The following ARHGEF10 variants were observed in gnomAD, a reference collection of about 807,000 sequenced individuals.
ARHGEF10 encodes Rho guanine nucleotide exchange factor 10, also known as Rho guanine nucleotide exchange factor (GEF) 10.
A neutral mutation model predicts 147.4 loss-of-function variants in ARHGEF10; 140 were observed. The ratio of observed to expected loss-of-function variants is 0.95; its 90% CI spans 0.83 to 1.09. ARHGEF10 has a LOEUF of 1.09. Among genes scored for constraint, ARHGEF10 ranks in the 50% least tolerant of loss-of-function variants. The probability of loss-of-function intolerance (pLI) is 0.00; values close to 1 mark genes in which losing one functional copy is unlikely to be tolerated. For missense variants in ARHGEF10, 2,222 were observed against 1,752.7 expected (o/e 1.27, Z -4.78); for synonymous variants, 902 against 695.8 (o/e 1.30, Z -4.67).
intron 1 of ARHGEF10, chr8:1,826,205 A>G (rs1032939403): frequency 1.5e-6 from 2 of 1,356,322 alleles, no homozygotes; most frequent in Non-Finnish European, 2.0e-6. Context: ...GGTGAAGTGA[A>G]GTTAAAAGTT....
chr8:1,942,959 TC>T (rs1361005213), intron 26 of ARHGEF10, among the ~76,000 whole-genome samples: 2 of 152,196 alleles, frequency 1.3e-5, no homozygotes, highest in Non-Finnish European at 2.9e-5. Flanking sequence ...GATAAAATGT[TC>T]TGGAATTCAA....
chr8:1,873,067 C>G (rs941899437), intron 7 of ARHGEF10, among the ~76,000 whole-genome samples: 34 of 152,368 alleles, frequency 2.2e-4, no homozygotes, highest in Non-Finnish European at 4.4e-4. Flanking sequence ...GCCGTCGGCC[C>G]CCTGCCGTGT....
At chr8:1,920,543 G>C (rs1421700154) in intron 18 of ARHGEF10, among the ~76,000 whole-genome samples, 1 of 152,088 alleles carries the variant, frequency 6.6e-6, no homozygotes, top group East Asian at 1.9e-4. Context: ...GCCCAGGCTG[G>C]TCTTGAATTC....
chr8:1,950,041 C>T (rs374874075), intron 27 of ARHGEF10, among the ~76,000 whole-genome samples: 57 of 152,276 alleles, frequency 3.7e-4, no homozygotes, highest in African/African-American at 1.3e-3. Flanking sequence ...GCAGAAGGCC[C>T]TGGTGACTCC....
chr8:1,919,310 G>T (rs1318759177), intron 18 of ARHGEF10, among the ~76,000 whole-genome samples: 1 of 149,730 alleles, frequency 6.7e-6, no homozygotes, highest in Non-Finnish European at 1.5e-5. Flanking sequence ...GGGTAATGGA[G>T]CTGTTCTGTC....
intron 16 of ARHGEF10, among the ~76,000 whole-genome samples, chr8:1,904,791 G>A (rs151021672): frequency 1.9e-3 from 286 of 152,038 alleles, no homozygotes; most frequent in African/African-American, 5.0e-3. Context: ...ACAGACCACC[G>A]GGGCTGAGGA....
chr8:1,827,814 G>C (rs1209167328), intron 1 of ARHGEF10, among the ~76,000 whole-genome samples: 1 of 152,180 alleles, frequency 6.6e-6, no homozygotes, highest in East Asian at 1.9e-4. Flanking sequence ...TCTTCCATGG[G>C]TCACTTCTGA....
At chr8:1,925,196 C>A (rs983301165) in intron 21 of ARHGEF10, 87 bp from the exon 22 acceptor site, 17 of 1,561,834 alleles carry the variant, frequency 1.1e-5, no homozygotes, top group Non-Finnish European at 1.5e-5. Flanking sequence ...ATGCCAGAAA[C>A]TTCCCCTGCT....
chr8:1,885,533 A>G, intron 10 of ARHGEF10, 68 bp from the exon 11 acceptor site: 1 of 1,099,044 alleles, frequency 9.1e-7, no homozygotes, highest in Admixed American at 1.8e-5. Flanking sequence ...ACTTTTTTTT[A>G]CTGTACTGTA....
At chr8:1,857,870 A>AGATCGATC (rs66620071) in intron 2 of ARHGEF10, 90 bp from the exon 3 acceptor site, 2 of 920,810 alleles carry the variant, frequency 2.2e-6, no homozygotes, top group Non-Finnish European at 3.4e-6. Flanking sequence ...TGGCTAACAT[A>AGATCGATC]GATCGATCGA....
intron 3 of ARHGEF10, among the ~76,000 whole-genome samples, chr8:1,859,554 G>T (rs1289514020): frequency 6.6e-6 from 1 of 152,186 alleles, no homozygotes; most frequent in African/African-American, 2.4e-5. Flanking sequence ...TTTGTGCACA[G>T]CACCCGCCTC....
intron 2 of ARHGEF10, among the ~76,000 whole-genome samples, chr8:1,843,720 T>C (rs1804276262): frequency 6.6e-6 from 1 of 152,208 alleles, no homozygotes; most frequent in African/African-American, 2.4e-5. Context: ...CCCCTTAGCC[T>C]GATGCAATCG....
intron 1 of ARHGEF10, among the ~76,000 whole-genome samples, chr8:1,837,112 A>G (rs1803630313): frequency 6.6e-6 from 1 of 152,270 alleles, no homozygotes; most frequent in East Asian, 1.9e-4. Context: ...TTTAAGGGAC[A>G]CTAATTTGGA....
In ARHGEF10 at chr8:1,937,642, G is replaced by A. The variant is rs1813725404; in HGVS notation, c.3222+3700G>A. Among the ~76,000 whole-genome samples the A allele has an allele frequency of 6.6e-6, 1 of 152,222 alleles. No homozygotes were observed. ...TGATATTCATCCTGTCGTTCCCGTT[G>A]TGCAGGGGAACTGTGGCCAGGGGCT... On this transcript the variant is annotated intron_variant, in intron 26 of 28. Transcript: ENST00000349830. The surrounding 1 kb of genome is among the most constrained non-coding windows in gnomAD (Gnocchi z 4.9).
At chr8:1,955,783 C>T (rs1001312433) in intron 28 of ARHGEF10, among the ~76,000 whole-genome samples, 1 of 152,278 alleles carries the variant, frequency 6.6e-6, no homozygotes, top group East Asian at 1.9e-4. Context: ...GTGGCTGGCT[C>T]TGCTGACATG....
chr8:1,878,986 G>A (rs929781801), intron 8 of ARHGEF10, among the ~76,000 whole-genome samples: 3 of 152,342 alleles, frequency 2.0e-5, no homozygotes, highest in African/African-American at 4.8e-5. Context: ...TGCAGACAGG[G>A]CGCCCGTGTG....
chr8:1,879,615 C>G (rs1286011726), intron 8 of ARHGEF10, among the ~76,000 whole-genome samples: 2 of 151,542 alleles, frequency 1.3e-5, no homozygotes, highest in African/African-American at 2.4e-5. Flanking sequence ...GGCAGTGGCA[C>G]CATCACGGCT....
chr8:1,849,125 A>G (rs1434936237), intron 2 of ARHGEF10, among the ~76,000 whole-genome samples: 2 of 152,270 alleles, frequency 1.3e-5, no homozygotes, highest in East Asian at 1.9e-4. Context: ...AAACTTAGAT[A>G]CTTTATTTGT....
At chr8:1,941,909 C>A (rs1429782521) in intron 26 of ARHGEF10, among the ~76,000 whole-genome samples, 1 of 152,196 alleles carries the variant, frequency 6.6e-6, no homozygotes, top group Non-Finnish European at 1.5e-5. Context: ...CAACTTCATT[C>A]TTCCATGTGC....
Sources: allele counts gnomAD v4.1 joint callset (sites outside exome capture counted in the v4.1 genomes callset), GRCh38; gene constraint gnomAD v4.1.1; non-coding constraint Gnocchi (gnomAD v3.1); transcripts MANE v1.5; gene names NCBI Gene and HGNC (gene_info 2026-07-23, HGNC 2026-07-21).